Variants in ARMC9 observed in about 807,000 individuals in gnomAD.
ARMC9 encodes the protein lisH domain-containing protein ARMC9.
In ARMC9, 94 loss-of-function variants were observed where a neutral mutation model predicts 107.0. That is an observed-to-expected ratio of 0.88 (90% CI 0.74 to 1.04). The LOEUF (loss-of-function observed/expected upper bound fraction) is 1.04, where lower values mean the gene tolerates loss of function less well. ARMC9 is among the 50% of genes least tolerant of loss of function. The probability of loss-of-function intolerance (pLI) is 0.00; values close to 1 mark genes in which losing one functional copy is unlikely to be tolerated. For synonymous variants in ARMC9, 380 were observed against 396.9 expected, an observed-to-expected ratio of 0.96 and a Z score of 0.51; for missense variants, 942 against 1,030.1, an observed-to-expected ratio of 0.91 and a Z score of 1.17.
chr2:231,212,266 A>G (rs1247110099), intron 3 of ARMC9, among the ~76,000 whole-genome samples: 1 of 152,144 alleles, frequency 6.6e-6, no homozygotes, highest in African/African-American at 2.4e-5. Flanking sequence ...ATATTTTGTG[A>G]CTGTAAGTTA....
rs1053378891 is a variant in ARMC9 at position 231,200,760 on chromosome 2, A to C, written c.-42+2062A>C. ...TGAGGTGGGAGAATCACTTGAACCC[A>C]GGAGGTGGAGGTTGCAGTGAGCCGA... On this transcript the variant is annotated intron_variant, in intron 1 of 24. Coordinates refer to ENST00000611582, the MANE Select transcript of ARMC9 (RefSeq NM_001352754.2). 8.0e-5 allele frequency among the ~76,000 whole-genome samples: 12 copies of C among 150,598 alleles called. 1 individual carries two copies. In the East Asian group the frequency reaches 2.4e-3, roughly 30 times the overall value.
At chr2:231,366,981 G>A (rs1453742049) in intron 23 of ARMC9, among the ~76,000 whole-genome samples, 1 of 150,766 alleles carries the variant, frequency 6.6e-6, no homozygotes, top group Non-Finnish European at 1.5e-5. Flanking sequence ...CTCCCGAGTA[G>A]CTGGGACTAC....
chr2:231,260,880 T>C (rs1441293446), intron 11 of ARMC9, among the ~76,000 whole-genome samples: 1 of 152,274 alleles, frequency 6.6e-6, no homozygotes, highest in East Asian at 1.9e-4. Flanking sequence ...GTTTCTAATG[T>C]TTTTGTCTGT....
chr2:231,297,266 G>C lies in ARMC9; in HGVS notation c.1773+1013G>C, dbSNP rs747284507. Among the ~76,000 whole-genome samples the C allele has an allele frequency of 6.6e-6, 1 of 152,194 alleles. No homozygotes were observed. Among genetic ancestry groups the C allele is most frequent in the Non-Finnish European group, 1.5e-5 (1 of 68,034 alleles). The stretch of plus-strand genomic sequence containing the variant: ...CTGGCTCTTCCTGCCTTGTCCAGCA[G>C]TGCAGAGCTTGACCTCCAGATAGGG... On this transcript the variant is annotated intron_variant, in intron 19 of 24. Coordinates refer to ENST00000611582, the MANE Select transcript of ARMC9 (RefSeq NM_001352754.2). The surrounding 1 kb of genome is among the most constrained non-coding windows in gnomAD (Gnocchi z 4.2).
intron 23 of ARMC9, among the ~76,000 whole-genome samples, chr2:231,364,950 A>T (rs1052148111): frequency 2.0e-5 from 3 of 152,224 alleles, no homozygotes; most frequent in Admixed American, 2.0e-4. Flanking sequence ...GGCCCCTATC[A>T]TTGGATGCTC....
At chr2:231,291,707 C>T (rs1312035304) in intron 18 of ARMC9, among the ~76,000 whole-genome samples, 1 of 151,346 alleles carries the variant, frequency 6.6e-6, no homozygotes, top group African/African-American at 2.4e-5. Flanking sequence ...CCCAGCTACT[C>T]AGGAGGCTGA....
intron 23 of ARMC9, among the ~76,000 whole-genome samples, chr2:231,365,243 G>GAAAAAATGTAAAGGGTGATATACA (rs2045766613): frequency 6.6e-6 from 1 of 152,170 alleles, no homozygotes; most frequent in African/African-American, 2.4e-5. Flanking sequence ...CTGAGTCCTG[G>GAAAAAATGTAAAGGGTGATATACA]AAAAAATGTA....
intron 11 of ARMC9, among the ~76,000 whole-genome samples, chr2:231,261,315 C>T (rs2038319236): frequency 6.6e-6 from 1 of 152,190 alleles, no homozygotes; most frequent in East Asian, 1.9e-4. Flanking sequence ...TTTCTTCTAG[C>T]CCTGTGGACA....
chr2:231,206,440 A>G (rs2032005620), intron 2 of ARMC9, 151 bp downstream of exon 2: 1 of 704,248 alleles, frequency 1.4e-6, no homozygotes, highest in Non-Finnish European at 2.2e-6. Context: ...ATGTATTTAC[A>G]TTTTGGTTTT....
At chr2:231,288,040 G>A (rs2040726441) in intron 17 of ARMC9, among the ~76,000 whole-genome samples, 1 of 152,192 alleles carries the variant, frequency 6.6e-6, no homozygotes, top group South Asian at 2.1e-4. Flanking sequence ...AGCTCTCAGT[G>A]TGATCGTTTT....
intron 19 of ARMC9, among the ~76,000 whole-genome samples, chr2:231,316,714 T>G (rs1316535236): frequency 6.6e-6 from 1 of 152,130 alleles, no homozygotes; most frequent in Non-Finnish European, 1.5e-5. Context: ...ACAGGTGTTT[T>G]TTCCCCAGCA....
At chr2:231,244,796 A>AT (rs1311461116) in intron 9 of ARMC9, among the ~76,000 whole-genome samples, 1 of 152,230 alleles carries the variant, frequency 6.6e-6, no homozygotes, top group Non-Finnish European at 1.5e-5. Context: ...TGTGGCCACC[A>AT]TGAGGGCGGC....
chr2:231,262,515 A>G, intron 12 of ARMC9, 117 bp downstream of exon 12: 1 of 1,001,518 alleles, frequency 1.0e-6, no homozygotes, highest in South Asian at 1.4e-5. Flanking sequence ...ACTGTATGTC[A>G]GCCTTGAGCT....
At chr2:231,285,679 C>G (rs1020742214) in intron 17 of ARMC9, among the ~76,000 whole-genome samples, 1 of 151,948 alleles carries the variant, frequency 6.6e-6, no homozygotes, top group Non-Finnish European at 1.5e-5. Flanking sequence ...AATAAGCTTC[C>G]CTCTGGCATT....
At chr2:231,301,846 G>A (rs1218040601) in intron 19 of ARMC9, among the ~76,000 whole-genome samples, 1 of 151,930 alleles carries the variant, frequency 6.6e-6, no homozygotes, top group Non-Finnish European at 1.5e-5. Flanking sequence ...GGGCGTGGTG[G>A]TGCACACCTG....
intron 13 of ARMC9, among the ~76,000 whole-genome samples, chr2:231,272,610 G>A (rs1024161963): frequency 6.6e-6 from 1 of 152,046 alleles, no homozygotes; most frequent in African/African-American, 2.4e-5. Flanking sequence ...CTGCCTCCTG[G>A]GGTCTAGCAA....
intron 17 of ARMC9, among the ~76,000 whole-genome samples, chr2:231,289,739 A>G (rs2040860400): frequency 6.6e-6 from 1 of 152,140 alleles, no homozygotes; most frequent in African/African-American, 2.4e-5. Context: ...CTCATGGACA[A>G]CTTTCCAGAG....
intron 3 of ARMC9, among the ~76,000 whole-genome samples, chr2:231,210,908 G>A (rs765093694): frequency 2.0e-5 from 3 of 151,982 alleles, no homozygotes; most frequent in Non-Finnish European, 4.4e-5. Context: ...TAACAACTCC[G>A]CCTTTATCCT....
chr2:231,333,659 A>G (rs1263895975), intron 20 of ARMC9, among the ~76,000 whole-genome samples: 1 of 152,194 alleles, frequency 6.6e-6, no homozygotes, highest in African/African-American at 2.4e-5. Flanking sequence ...TTGGTTTCAC[A>G]GGCAGGCGGT....
Sources: gnomAD v4.1 joint callset for allele counts (sites outside exome capture counted in the v4.1 genomes callset) on GRCh38, gnomAD v4.1.1 for gene constraint, Gnocchi (gnomAD v3.1) non-coding constraint, MANE v1.5 for transcripts, NCBI Gene and HGNC (gene_info 2026-07-23, HGNC 2026-07-21) for gene names.